The following TRIM36 variants were observed in gnomAD, a reference collection of about 807,000 sequenced individuals.
TRIM36 encodes tripartite motif containing 36, also known as E3 ubiquitin-protein ligase TRIM36.
TRIM36 carries 42 observed loss-of-function variants against 72.4 expected under a neutral mutation model. That is an observed-to-expected ratio of 0.58 (90% CI 0.45 to 0.75). The LOEUF (loss-of-function observed/expected upper bound fraction) is 0.75. Among genes scored for constraint, TRIM36 ranks in the 30% least tolerant of loss-of-function variants. The probability of loss-of-function intolerance (pLI) is 0.00; values close to 1 mark genes in which losing one functional copy is unlikely to be tolerated. For synonymous variants in TRIM36, 315 were observed against 282.8 expected (o/e 1.11, Z -1.14); for missense variants, 913 against 857.1 (o/e 1.07, Z -0.81).
chr5:115,154,339 A>G (rs909549029), intron 2 of TRIM36, among the ~76,000 whole-genome samples: 1 of 152,064 alleles, frequency 6.6e-6, no homozygotes, highest in Non-Finnish European at 1.5e-5. Flanking sequence ...GCAAGATCAG[A>G]GCAGAACTAA....
intron 1 of TRIM36, among the ~76,000 whole-genome samples, chr5:115,166,987 T>C (rs1754813566): frequency 6.6e-6 from 1 of 152,146 alleles, no homozygotes. Flanking sequence ...CACCCCTTGC[T>C]GCTCTGCACC....
At chr5:115,145,451 AGTT>A (rs2112835462) in intron 3 of TRIM36, among the ~76,000 whole-genome samples, 1 of 152,364 alleles carries the variant, frequency 6.6e-6, no homozygotes, top group East Asian at 1.9e-4. Flanking sequence ...TAAAATCAAA[AGTT>A]GTTAAAGATT....
intron 1 of TRIM36, among the ~76,000 whole-genome samples, chr5:115,169,254 C>T (rs1754959081): frequency 6.6e-6 from 1 of 152,230 alleles, no homozygotes; most frequent in South Asian, 2.1e-4. Flanking sequence ...GAGGGACGCG[C>T]CCCAGCTTTC....
Position 115,159,703 on chromosome 5 carries a change from A to G in TRIM36, c.262+3815T>C, listed in dbSNP as rs114480611. 658 of 448,954 alleles carry G rather than the reference A, an allele frequency of 1.5e-3. 6 individuals carry two copies. The highest frequency in any genetic ancestry group is 0.013 in the African/African-American group (623 of 49,784). 27.8% of individuals were successfully genotyped at this position (448,954 alleles called of 1,614,324 possible). On this transcript the variant is annotated intron_variant, in intron 2 of 9. Transcript: ENST00000513154. The stretch of plus-strand genomic sequence containing the variant: ...CAATGAACAGAAAGCTGGATTTAGA[A>G]TTTAATTTCAAAGAGAAGATTCACA...
intron 7 of TRIM36, 121 bp downstream of exon 7, chr5:115,136,879 G>A: frequency 2.2e-6 from 2 of 908,402 alleles, no homozygotes; most frequent in Non-Finnish European, 3.1e-6. Flanking sequence ...AGGATGCTGT[G>A]ATAGTCCTGG....
chr5:115,155,886 A>AT (rs1386111257), intron 2 of TRIM36, among the ~76,000 whole-genome samples: 2 of 152,172 alleles, frequency 1.3e-5, no homozygotes, highest in African/African-American at 2.4e-5. Context: ...TGATGACATG[A>AT]TTTTTTACCT....
intron 9 of TRIM36, 78 bp downstream of exon 9, chr5:115,130,514 C>A (rs978802151): frequency 6.7e-7 from 1 of 1,483,978 alleles, no homozygotes; most frequent in Non-Finnish European, 9.1e-7. Flanking sequence ...ATGTATACTC[C>A]AAATGTAACA....
At position 115,169,907 on chromosome 5, in the gene TRIM36, G is replaced by A. The variant is rs1755012839; in HGVS notation, c.-273C>T. Reference sequence around the variant, plus strand: ...GCTGCAGCAGCGGCTCCTGCGGACTGCGGCTGGGAACGGCGCCGCGCAGAG... The same window carrying A: ...GCTGCAGCAGCGGCTCCTGCGGACTACGGCTGGGAACGGCGCCGCGCAGAG... On this transcript the variant is annotated 5_prime_UTR_variant, in exon 1 of 10. Transcript: ENST00000513154. 3 of 1,292,078 alleles carry A rather than the reference G, an allele frequency of 2.3e-6. No individual in the cohort carries two copies. Among genetic ancestry groups the A allele is most frequent in the Admixed American group, 4.0e-5 (1 of 25,138 alleles). 80.0% of individuals were successfully genotyped at this position (1,292,078 alleles called of 1,614,324 possible).
At chr5:115,155,006 C>T (rs1319905922) in intron 2 of TRIM36, among the ~76,000 whole-genome samples, 1 of 151,854 alleles carries the variant, frequency 6.6e-6, no homozygotes, top group Non-Finnish European at 1.5e-5. Flanking sequence ...AAGGAAGAAA[C>T]CTCGTCTCTA....
intron 7 of TRIM36, among the ~76,000 whole-genome samples, chr5:115,134,688 G>A (rs1422952860): frequency 2.0e-5 from 3 of 151,858 alleles, no homozygotes; most frequent in South Asian, 2.1e-4. Context: ...TTACAGGTGC[G>A]TGCTACCACA....
rs781141122 is a variant in TRIM36, at chr5:115,163,594, G to A, written c.186C>T (p.Asp62=). 3.1e-6 allele frequency: 5 copies of A among 1,614,198 alleles called. No individual in the cohort carries two copies. Among genetic ancestry groups the A allele is most frequent in the African/African-American group, 1.3e-5 (1 of 75,040 alleles). The change falls in exon 2 of 10, where the codon GAC becomes GAT. Residue 62 remains aspartate, a synonymous_variant. Coordinates refer to ENST00000513154, the MANE Select transcript of TRIM36 (RefSeq NM_001300759.2). ...GTCGAGGACTGCTTTGATTGGAGTT[G>A]TCTGATCCCACATCGTTGAATGAAT... ...LDDSFNDVGS[D]NSNQSSPRLR...
rs139582860 is a variant in TRIM36 at position 115,148,372 on chromosome 5, G to A, written c.263-978C>T. On this transcript the variant is annotated intron_variant, in intron 2 of 9. Coordinates refer to ENST00000513154, the MANE Select transcript of TRIM36 (RefSeq NM_001300759.2). ...CAGGAATCCAGGGTTGTCCATTTAC[G>A]ACAGGTGCATGCATATCACATTCCC... 2.5e-3 allele frequency: 2,411 copies of A among 980,440 alleles called. 6 individuals are homozygous for A. The highest frequency in any genetic ancestry group is 2.8e-3 in the Non-Finnish European group (2,288 of 827,050). The allele number at this position is 980,440 out of a possible 1,614,324, so 60.7% of individuals were successfully genotyped here. A position where few individuals can be genotyped will look rare whatever the true frequency, so the allele number is the denominator to read the frequency against.
intron 3 of TRIM36, among the ~76,000 whole-genome samples, chr5:115,145,435 T>A (rs539159048): frequency 6.6e-6 from 1 of 152,224 alleles, no homozygotes; most frequent in Non-Finnish European, 1.5e-5. Flanking sequence ...TAAGTTAGTA[T>A]GTTAATAAAA....
chr5:115,168,412 C>G (rs781593961), intron 1 of TRIM36, among the ~76,000 whole-genome samples: 10 of 152,216 alleles, frequency 6.6e-5, no homozygotes, highest in Non-Finnish European at 1.0e-4. Flanking sequence ...ATTTTAAAGA[C>G]AGCCCAACTT....
At chr5:115,177,444 G>T in intron 1 of TRIM36, 1 of 985,728 alleles carries the variant, frequency 1.0e-6, no homozygotes, top group Non-Finnish European at 1.3e-6. Flanking sequence ...CTCATAATTA[G>T]ACCAGTTTCC....
Position 115,126,000 on chromosome 5 carries a change from G to C in TRIM36, c.*503C>G, listed in dbSNP as rs1379835940. On this transcript the variant is annotated 3_prime_UTR_variant, in exon 10 of 10. Coordinates refer to ENST00000513154, the MANE Select transcript of TRIM36 (RefSeq NM_001300759.2). Reference sequence around the variant, plus strand: ...TTAAATATACTACCACTTTTATGGTGTTTTTCTTTTAACCTATCTAGAACT... The same window carrying C: ...TTAAATATACTACCACTTTTATGGTCTTTTTCTTTTAACCTATCTAGAACT... 1 of 152,574 alleles carries C rather than the reference G, an allele frequency of 6.6e-6. No individual in the cohort carries two copies. The highest frequency in any genetic ancestry group is 1.5e-5 in the Non-Finnish European group (1 of 68,362). 9.5% of individuals were successfully genotyped at this position (152,574 alleles called of 1,614,324 possible). A position where few individuals can be genotyped will look rare whatever the true frequency, so the allele number is the denominator to read the frequency against.
At chr5:115,148,184 T>C (rs567401848) in intron 2 of TRIM36, among the ~76,000 whole-genome samples, 4 of 152,136 alleles carry the variant, frequency 2.6e-5, no homozygotes, top group African/African-American at 7.2e-5. Flanking sequence ...ATCATTAAGA[T>C]TACTTAACTC....
At position 115,164,871 on chromosome 5, in the gene TRIM36, A is replaced by G. The variant is rs556395741; in HGVS notation, c.28-1119T>C. Reference sequence around the variant, plus strand: ...CCTAGGGGCCTGGAGAATCAAAAGCAAGTTAGTTACTTCCAGGATACAATG... The same window carrying G: ...CCTAGGGGCCTGGAGAATCAAAAGCGAGTTAGTTACTTCCAGGATACAATG... On this transcript the variant is annotated intron_variant, in intron 1 of 9. Coordinates refer to ENST00000513154, the MANE Select transcript of TRIM36 (RefSeq NM_001300759.2). Among the ~76,000 whole-genome samples the G allele has an allele frequency of 2.6e-5, 4 of 152,356 alleles. No homozygotes were observed. In the East Asian group the frequency reaches 7.7e-4, roughly 29 times the overall value.
At chr5:115,160,856 A>T (rs1754444963) in intron 2 of TRIM36, among the ~76,000 whole-genome samples, 2 of 152,200 alleles carry the variant, frequency 1.3e-5, no homozygotes, top group South Asian at 4.1e-4. Flanking sequence ...TCTCAAATAA[A>T]TGTCTAAAGG....
Sources: allele counts gnomAD v4.1 joint callset (sites outside exome capture counted in the v4.1 genomes callset), GRCh38; gene constraint gnomAD v4.1.1; transcripts MANE v1.5; gene names NCBI Gene and HGNC (gene_info 2026-07-23, HGNC 2026-07-21).